COL5A1: variants seen among roughly 807,000 people sequenced by gnomAD.
COL5A1 encodes the protein collagen type V alpha 1 chain.
COL5A1 carries 16 observed loss-of-function variants against 263.7 expected under a neutral mutation model. The observed-to-expected ratio is 0.06, with a 90% CI of 0.04 to 0.09. The LOEUF is 0.09. Among genes scored for constraint, COL5A1 ranks in the 10% least tolerant of loss-of-function variants. The probability of loss-of-function intolerance (pLI) is 1.00; values close to 1 mark genes in which losing one functional copy is unlikely to be tolerated. For synonymous variants in COL5A1, 1,012 were observed against 1,004.5 expected (o/e 1.01, Z -0.14); for missense variants, 2,036 against 2,540.5 (o/e 0.80, Z 4.27).
At chr9:134,644,859 A>G (rs1831424371) in intron 1 of COL5A1, among the ~76,000 whole-genome samples, 1 of 152,200 alleles carries the variant, frequency 6.6e-6, no homozygotes, top group Admixed American at 6.5e-5. Context: ...GCTTTTTGCA[A>G]TAATTTGTGG....
rs781596621 is a variant in COL5A1 at position 134,700,149 on chromosome 9, C to A, written c.491+27C>A. ...TAAGTGGGCACTTCTGGGCAACTGT[C>A]CCCCTGCTGGAGGGGGGATCAGGCC... On this transcript the variant is annotated intron_variant, in intron 3 of 65. Coordinates refer to ENST00000371817, the MANE Select transcript of COL5A1 (RefSeq NM_000093.5). This position sits in a 1 kb window ranked among gnomAD's most constrained non-coding sequence, Gnocchi z 4.0. 1.3e-6 allele frequency: 2 copies of A among 1,592,900 alleles called. No homozygotes were observed. The highest frequency in any genetic ancestry group is 1.7e-6 in the Non-Finnish European group (2 of 1,175,122).
Position 134,842,586 on chromosome 9 carries a change from G to A in COL5A1, c.*283G>A, listed in dbSNP as rs114171895. The A allele has an allele frequency of 2.2e-3, 1,200 of 549,874 alleles. 7 individuals carry two copies. Among genetic ancestry groups the A allele is most frequent in the African/African-American group, 0.02 (1,054 of 52,860 alleles). The allele number at this position is 549,874 out of a possible 1,614,324, so 34.1% of individuals were successfully genotyped here. On this transcript the variant is annotated 3_prime_UTR_variant, in exon 66 of 66. Transcript: ENST00000371817. The surrounding 1 kb of genome is among the most constrained non-coding windows in gnomAD (Gnocchi z 5.8). Reference sequence around the variant, plus strand: ...CCACACCCACGCGCCCCGGGAGCGGGGCCATGCCTCCAGCCCCCCAGCTCG... The same window carrying A: ...CCACACCCACGCGCCCCGGGAGCGGAGCCATGCCTCCAGCCCCCCAGCTCG...
At chr9:134,743,792 G>A (rs931510522) in intron 11 of COL5A1, among the ~76,000 whole-genome samples, 4 of 152,166 alleles carry the variant, frequency 2.6e-5, no homozygotes, top group Non-Finnish European at 4.4e-5. Context: ...ATGTGTCCAG[G>A]ATTAGCCTTC....
chr9:134,667,697 C>T (rs1461822343), intron 1 of COL5A1, among the ~76,000 whole-genome samples: 1 of 152,198 alleles, frequency 6.6e-6, no homozygotes, highest in Non-Finnish European at 1.5e-5. Flanking sequence ...TCCCAGGAAG[C>T]CAGCCCAGAC....
At chr9:134,823,150 C>T (rs1029133918) in intron 60 of COL5A1, 117 bp downstream of exon 60, 9 of 1,264,690 alleles carry the variant, frequency 7.1e-6, no homozygotes, top group Admixed American at 3.7e-5. Flanking sequence ...CTGCTGCTCA[C>T]GATCCTCCCA....
chr9:134,746,733 A>G (rs1835526697), intron 11 of COL5A1, among the ~76,000 whole-genome samples: 1 of 152,232 alleles, frequency 6.6e-6, no homozygotes. Flanking sequence ...TAGGGCACTG[A>G]TTTGGGGGCC....
intron 9 of COL5A1, among the ~76,000 whole-genome samples, chr9:134,735,824 T>G (rs1339829222): frequency 6.6e-6 from 1 of 152,206 alleles, no homozygotes; most frequent in Non-Finnish European, 1.5e-5. Flanking sequence ...CACACACGGG[T>G]GTCTCTCTGA....
chr9:134,712,397 C>G (rs1459734997), intron 4 of COL5A1, among the ~76,000 whole-genome samples: 2 of 114,488 alleles, frequency 1.7e-5, no homozygotes, highest in Non-Finnish European at 3.6e-5. Context: ...TCTCGTTATC[C>G]CTGTCCCTGT....
rs1465755793 is a variant in COL5A1, at chr9:134,755,675, A to G, written c.1828-1090A>G. 6.6e-6 allele frequency among the ~76,000 whole-genome samples: 1 copy of G among 152,240 alleles called. No homozygotes were observed. Among genetic ancestry groups the G allele is most frequent in the Non-Finnish European group, 1.5e-5 (1 of 68,050 alleles). On this transcript the variant is annotated intron_variant, in intron 16 of 65. Transcript: ENST00000371817. The surrounding 1 kb of genome is among the most constrained non-coding windows in gnomAD (Gnocchi z 4.1). Reference sequence around the variant, plus strand: ...TTCCGACAATCTTCCCTTGGTTTCTAAAAGTGTTTGGAAATCTAGAAGAGG... The same window carrying G: ...TTCCGACAATCTTCCCTTGGTTTCTGAAAGTGTTTGGAAATCTAGAAGAGG...
At chr9:134,719,452 A>ACAACACACCAGC (rs1834379150) in intron 4 of COL5A1, among the ~76,000 whole-genome samples, 7 of 152,346 alleles carry the variant, frequency 4.6e-5, no homozygotes, top group Non-Finnish European at 7.4e-5. Context: ...ACACAGTGAC[A>ACAACACACCAGC]CAACACACCA....
intron 42 of COL5A1, among the ~76,000 whole-genome samples, chr9:134,807,175 C>T (rs1838324830): frequency 6.6e-6 from 1 of 152,252 alleles, no homozygotes; most frequent in African/African-American, 2.4e-5. Context: ...TTAATCTCAA[C>T]TTCTCCTTCC....
At chr9:134,713,121 C>T (rs983330241) in intron 4 of COL5A1, among the ~76,000 whole-genome samples, 4 of 152,254 alleles carry the variant, frequency 2.6e-5, no homozygotes, top group African/African-American at 7.2e-5. Flanking sequence ...GGTTTTCCTG[C>T]GAGCTAGCCA....
chr9:134,823,538 A>C, intron 61 of COL5A1, 69 bp downstream of exon 61: 2 of 1,533,986 alleles, frequency 1.3e-6, no homozygotes, highest in Non-Finnish European at 1.8e-6. Flanking sequence ...TTGAGAAAGC[A>C]ACTGTGTGTG....
chr9:134,798,043 G>C (rs1837976780), intron 36 of COL5A1, among the ~76,000 whole-genome samples: 1 of 152,190 alleles, frequency 6.6e-6, no homozygotes, highest in Non-Finnish European at 1.5e-5. Flanking sequence ...TGGCGGGGCT[G>C]GTGGGAGGAG....
intron 44 of COL5A1, among the ~76,000 whole-genome samples, chr9:134,811,076 G>A (rs1402502583): frequency 6.6e-6 from 1 of 152,198 alleles, no homozygotes; most frequent in East Asian, 1.9e-4. Context: ...CATGATGGGA[G>A]CTGAGATGAC....
intron 20 of COL5A1, among the ~76,000 whole-genome samples, chr9:134,764,867 A>G (rs967734613): frequency 4.6e-5 from 7 of 152,210 alleles, no homozygotes; most frequent in African/African-American, 1.7e-4. Flanking sequence ...ACTAGGTATT[A>G]AAATAACGAA....
rs1312367494 is a variant in COL5A1, at chr9:134,691,126, T to C, written c.277+47T>C. On this transcript the variant is annotated intron_variant, in intron 2 of 65. Transcript: ENST00000371817. ...TTGGGGCGGTGGGTCCCGTTGGCCC[T>C]CTGGCCTCCAGCCAGGAGCAGCGCT... 4 of 1,608,378 alleles carry C rather than the reference T, an allele frequency of 2.5e-6. No homozygotes were observed. In the African/African-American group the frequency reaches 5.3e-5, roughly 21 times the overall value.
At chr9:134,699,851 G>C in intron 2 of COL5A1, 58 bp from the exon 3 acceptor site, 1 of 1,545,404 alleles carries the variant, frequency 6.5e-7, no homozygotes, top group Non-Finnish European at 8.9e-7. Flanking sequence ...GAGAGCCATG[G>C]CTGGGTGTGG....
rs376721611 is a variant in COL5A1 at position 134,818,272 on chromosome 9, A to G, written c.4231-384A>G. On this transcript the variant is annotated intron_variant, in intron 54 of 65. Transcript: ENST00000371817. This position sits in a 1 kb window ranked among gnomAD's most constrained non-coding sequence, Gnocchi z 6.0. ...ATGCAGTTGGCTTGGGGCCTGGCCC[A>G]GAGCACACGGGAGGCTATTCTGTCA... is the stretch of plus-strand genomic sequence containing the variant. Among the ~76,000 whole-genome samples the G allele has an allele frequency of 4.9e-3, 748 of 152,342 alleles. 3 individuals are homozygous for G. Among genetic ancestry groups the G allele is most frequent in the Middle Eastern group, 0.02 (6 of 294 alleles).
Sources: allele counts gnomAD v4.1 joint callset (sites outside exome capture counted in the v4.1 genomes callset), GRCh38; gene constraint gnomAD v4.1.1; non-coding constraint Gnocchi (gnomAD v3.1); transcripts MANE v1.5; gene names NCBI Gene and HGNC (gene_info 2026-07-23, HGNC 2026-07-21).